Variants in POLH observed in about 807,000 individuals in gnomAD.
The protein encoded by POLH is DNA polymerase eta.
A neutral mutation model predicts 73.6 loss-of-function variants in POLH; 53 were observed. That is an observed-to-expected ratio of 0.72 (90% confidence interval 0.58 to 0.91). The LOEUF is 0.91. POLH is among the 40% of genes least tolerant of loss of function. The probability of loss-of-function intolerance (pLI) is 0.00; values close to 1 mark genes in which losing one functional copy is unlikely to be tolerated. For missense variants in POLH, 768 were observed against 865.4 expected (o/e 0.89, Z 1.41); for synonymous variants, 292 against 308.5 (o/e 0.95, Z 0.56).
chr6:43,596,737 A>G (rs563682864), intron 4 of POLH, among the ~76,000 whole-genome samples: 15 of 152,202 alleles, frequency 9.9e-5, no homozygotes, highest in African/African-American at 3.6e-4. Context: ...AAATTCAAGA[A>G]AAGTTCTTCT....
At position 43,610,629 on chromosome 6, in the gene POLH, T is replaced by C. The variant is rs990088779; in HGVS notation, c.1150T>C (p.Cys384Arg). 1.9e-6 allele frequency: 3 copies of C among 1,613,822 alleles called. No individual in the cohort carries two copies. In the African/African-American group the frequency reaches 4.0e-5, roughly 22 times the overall value. The change falls in exon 10 of 11, where the codon TGC becomes CGC. Residue 384 changes from cysteine to arginine, a missense_variant. Cys to Arg is a radical substitution (Grantham distance 180). Transcript: ENST00000372236. Reference protein sequence around the residue: ...GDKRLSSLRRCCALTRYDAHK... With the variant: ...GDKRLSSLRRRCALTRYDAHK... The stretch of plus-strand genomic sequence containing the variant: ...CAAACGCCTCAGCAGCCTGCGCCGC[T>C]GCTGTGCCCTTACCCGCTATGATGC...
chr6:43,587,205 A>G (rs1582278639), intron 3 of POLH, 67 bp from the exon 4 acceptor site: 129 of 1,094,492 alleles, frequency 1.2e-4, no homozygotes, highest in East Asian at 3.8e-4. Context: ...GCAGGGTGGG[A>G]GTGGAGCAGA....
rs1431163206 is a variant in POLH at position 43,618,289 on chromosome 6, G to A, written c.*3732G>A. Among the ~76,000 whole-genome samples, 2 of 151,992 alleles carry A rather than the reference G, an allele frequency of 1.3e-5. No homozygotes were observed. The highest frequency in any genetic ancestry group is 1.5e-5 in the Non-Finnish European group (1 of 67,986). ...TCCTGCCTCAGCTTCCCGAATAGCT[G>A]AGACTACAAGCGTGCACCACCATGC... On this transcript the variant is annotated 3_prime_UTR_variant, in exon 11 of 11. Transcript: ENST00000372236.
At chr6:43,600,935 C>T in intron 5 of POLH, 53 bp from the exon 6 acceptor site, 1 of 1,111,660 alleles carries the variant, frequency 9.0e-7, no homozygotes, top group Non-Finnish European at 1.4e-6. Flanking sequence ...TTTATATTCA[C>T]CAACTTTGAT....
intron 3 of POLH, 21 bp from the exon 4 acceptor site, chr6:43,587,251 A>G (rs759713820): frequency 8.8e-6 from 14 of 1,592,052 alleles, no homozygotes; most frequent in Non-Finnish European, 1.2e-5. Flanking sequence ...TGCCTGCATG[A>G]ATGATCCTTA....
chr6:43,595,326 G>A (rs1387552069), intron 4 of POLH, among the ~76,000 whole-genome samples: 1 of 151,840 alleles, frequency 6.6e-6, no homozygotes, highest in East Asian at 2.0e-4. Flanking sequence ...TAGTAGAGAC[G>A]GGGTTTCACC....
At position 43,577,626 on chromosome 6, in the gene POLH, G is replaced by A. The variant is rs140860956; in HGVS notation, c.-5+1186G>A. Among the ~76,000 whole-genome samples, 1,142 of 151,676 alleles carry A rather than the reference G, an allele frequency of 7.5e-3. 45 individuals carry two copies. The highest frequency in any genetic ancestry group is 0.063 in the Admixed American group (958 of 15,252). On this transcript the variant is annotated intron_variant, in intron 1 of 10. Coordinates refer to ENST00000372236, the MANE Select transcript of POLH (RefSeq NM_006502.3). ...GTTGTAAGACGTTTTTTTTTTCAAG[G>A]TGAATGTTAGTTTTTGAAAAACTTT...
At position 43,614,737 on chromosome 6, in the gene POLH, C is replaced by T; in HGVS notation, c.*180C>T. 1 of 582,894 alleles carries T rather than the reference C, an allele frequency of 1.7e-6. No individual in the cohort carries two copies. The highest frequency in any genetic ancestry group is 2.4e-5 in the South Asian group (1 of 42,104). The allele number at this position is 582,894 out of a possible 1,614,324, so 36.1% of individuals were successfully genotyped here. On this transcript the variant is annotated 3_prime_UTR_variant, in exon 11 of 11. Transcript: ENST00000372236. ...CTCTTCACAGGCATGGATTCTAATC[C>T]CACTGCTGACAGAGATGTAAAAATT...
intron 6 of POLH, among the ~76,000 whole-genome samples, chr6:43,602,065 A>G (rs1273265038): frequency 6.6e-6 from 1 of 152,232 alleles, no homozygotes; most frequent in Admixed American, 6.5e-5. Context: ...TCTTAAAAAT[A>G]TATAAAAAAT....
chr6:43,578,181 G>A (rs899671550), intron 1 of POLH, among the ~76,000 whole-genome samples: 4 of 151,926 alleles, frequency 2.6e-5, no homozygotes, highest in African/African-American at 7.3e-5. Flanking sequence ...AAGGTCAGGA[G>A]TTAGAGACTA....
intron 3 of POLH, among the ~76,000 whole-genome samples, chr6:43,585,637 C>CTTTTTTTTTT (rs1208848737): frequency 7.4e-5 from 8 of 107,408 alleles, no homozygotes; most frequent in African/African-American, 3.8e-4. Context: ...TCTTTCTTTT[C>CTTTTTTTTTT]TTTTTTTTTT....
intron 1 of POLH, among the ~76,000 whole-genome samples, chr6:43,578,961 A>T (rs1050083256): frequency 2.6e-5 from 4 of 152,124 alleles, no homozygotes; most frequent in Non-Finnish European, 4.4e-5. Flanking sequence ...TCTTTTAAGG[A>T]TAAGTATTTT....
At position 43,576,322 on chromosome 6, in the gene POLH, A is replaced by G. The variant is rs1763338358; in HGVS notation, c.-123A>G. 1 of 153,566 alleles carries G rather than the reference A, an allele frequency of 6.5e-6. No individual in the cohort carries two copies. Among genetic ancestry groups the G allele is most frequent in the South Asian group, 2.0e-4 (1 of 4,910 alleles). 9.5% of individuals were successfully genotyped at this position (153,566 alleles called of 1,614,324 possible). On this transcript the variant is annotated 5_prime_UTR_variant, in exon 1 of 11. Transcript: ENST00000372236. ...ATAAATCTCGCTCGAAACTCACTGG[A>G]CCGCTCCTAGAAAGGCGAAAAGATA... is the stretch of plus-strand genomic sequence containing the variant.
At chr6:43,589,637 C>CTT (rs1023985234) in intron 4 of POLH, among the ~76,000 whole-genome samples, 3 of 139,994 alleles carry the variant, frequency 2.1e-5, no homozygotes, top group South Asian at 2.3e-4. Context: ...AGTTCCTTGT[C>CTT]TTTTTTTTTT....
chr6:43,581,423 C>T (rs1270841776), intron 1 of POLH, among the ~76,000 whole-genome samples: 1 of 131,654 alleles, frequency 7.6e-6, no homozygotes, highest in African/African-American at 3.3e-5. Flanking sequence ...GGCAGCCAGG[C>T]AGAGGGGCTC....
chr6:43,585,637 C>CTTTTTTT (rs1208848737), intron 3 of POLH, among the ~76,000 whole-genome samples: 5 of 107,430 alleles, frequency 4.7e-5, no homozygotes, highest in African/African-American at 1.1e-4. Flanking sequence ...TCTTTCTTTT[C>CTTTTTTT]TTTTTTTTTT....
rs1768583224 is a variant in POLH at position 43,619,630 on chromosome 6, A to G, written c.*5073A>G. On this transcript the variant is annotated 3_prime_UTR_variant, in exon 11 of 11. Transcript: ENST00000372236. ...CCTAAATGTTCCATTAATGTTGCAG[A>G]GAGGCTCACTAGTTCCTGGAGATGT... 6.6e-6 allele frequency among the ~76,000 whole-genome samples: 1 copy of G among 152,288 alleles called. No homozygotes were observed. The highest frequency in any genetic ancestry group is 3.4e-3 in the Middle Eastern group (1 of 294).
Position 43,616,299 on chromosome 6 carries a change from A to G in POLH, c.*1742A>G, listed in dbSNP as rs1490805979. Among the ~76,000 whole-genome samples, 5 of 151,808 alleles carry G rather than the reference A, an allele frequency of 3.3e-5. No individual in the cohort carries two copies. In the South Asian group the frequency reaches 8.3e-4, roughly 25 times the overall value. ...CGTCTCAAAAAAAAAAAAAAAAGAA[A>G]AACTTCTCTTTAGGCTGGGTGCGGT... On this transcript the variant is annotated 3_prime_UTR_variant, in exon 11 of 11. Transcript: ENST00000372236.
rs1428276712 is a variant in POLH at position 43,583,146 on chromosome 6, G to GA, written c.272+12dup. 2 of 1,613,078 alleles carry GA rather than the reference G, an allele frequency of 1.2e-6. No individual in the cohort carries two copies. Among genetic ancestry groups the GA allele is most frequent in the Non-Finnish European group, 1.7e-6 (2 of 1,179,448 alleles). On this transcript the variant is annotated splice_donor_region_variant and intron_variant, in intron 3 of 10. Coordinates refer to ENST00000372236, the MANE Select transcript of POLH (RefSeq NM_006502.3). Reference sequence around the variant, plus strand: ...TGGGAAAGCTAACCTCACCAAGTAAGAAAAAAACATTATTTAAGGAGACAT... The same window carrying GA: ...TGGGAAAGCTAACCTCACCAAGTAAGAAAAAAAACATTATTTAAGGAGACAT...
Sources: allele counts gnomAD v4.1 joint callset (sites outside exome capture counted in the v4.1 genomes callset), GRCh38; gene constraint gnomAD v4.1.1; transcripts MANE v1.5; gene names NCBI Gene and HGNC (gene_info 2026-07-23, HGNC 2026-07-21).